RAD51B: variants seen among roughly 807,000 people sequenced by gnomAD.
The protein encoded by RAD51B is DNA repair protein RAD51 homolog 2.
RAD51B carries 38 observed loss-of-function variants against 42.2 expected under a neutral mutation model. The observed-to-expected ratio is 0.90, with a 90% CI of 0.70 to 1.18. RAD51B has a LOEUF of 1.18. RAD51B is among the 50% of genes most tolerant of loss of function. RAD51B has a pLI of 0.00. For synonymous variants in RAD51B, 154 were observed against 145.2 expected (o/e 1.06, Z -0.43); for missense variants, 373 against 400.7 (o/e 0.93, Z 0.59).
chr14:68,608,818 C>T (rs1891559056), intron 10 of RAD51B, among the ~76,000 whole-genome samples: 1 of 152,188 alleles, frequency 6.6e-6, no homozygotes, highest in Admixed American at 6.5e-5. Context: ...AGCAGTTTCC[C>T]CAGCCAAGGC....
chr14:67,948,312 A>G (rs2045466428), intron 7 of RAD51B, among the ~76,000 whole-genome samples: 1 of 152,186 alleles, frequency 6.6e-6, no homozygotes, highest in Non-Finnish European at 1.5e-5. Context: ...CTGGTTGTAG[A>G]AATGCTGCCT....
chr14:68,328,325 A>G (rs1355739558), intron 8 of RAD51B, among the ~76,000 whole-genome samples: 4 of 152,156 alleles, frequency 2.6e-5, no homozygotes, highest in Non-Finnish European at 5.9e-5. Context: ...TTTCATTTCA[A>G]CCCAACAAAC....
intron 8 of RAD51B, among the ~76,000 whole-genome samples, chr14:68,330,070 G>A (rs1419825855): frequency 6.6e-6 from 1 of 151,890 alleles, no homozygotes; most frequent in African/African-American, 2.4e-5. Flanking sequence ...AATCTAACAT[G>A]ATGCTAGGCT....
chr14:68,272,667 T>TA (rs58531356), intron 7 of RAD51B, among the ~76,000 whole-genome samples: 32 of 4,772 alleles, frequency 6.7e-3, no homozygotes, highest in East Asian at 0.025. Flanking sequence ...ATATATATAT[T>TA]TTTTTTTTTT....
At chr14:68,336,231 G>C (rs2082452613) in intron 8 of RAD51B, among the ~76,000 whole-genome samples, 1 of 152,122 alleles carries the variant, frequency 6.6e-6, no homozygotes, top group African/African-American at 2.4e-5. Flanking sequence ...TTTAATTATG[G>C]TTCTGCCATC....
At chr14:67,934,399 A>G (rs2044857615) in intron 7 of RAD51B, among the ~76,000 whole-genome samples, 1 of 152,220 alleles carries the variant, frequency 6.6e-6, no homozygotes, top group South Asian at 2.1e-4. Flanking sequence ...TGAAGGAAGT[A>G]GTAAAATGCC....
chr14:67,975,318 A>G (rs558114937), intron 7 of RAD51B, among the ~76,000 whole-genome samples: 1 of 152,280 alleles, frequency 6.6e-6, no homozygotes, highest in East Asian at 1.9e-4. Flanking sequence ...CACCCTTTCA[A>G]AAGAAATTTA....
chr14:68,342,500 C>G (rs922496864), intron 8 of RAD51B, among the ~76,000 whole-genome samples: 10 of 152,306 alleles, frequency 6.6e-5, no homozygotes, highest in African/African-American at 2.4e-4. Context: ...GGACAGGGGG[C>G]CCTGCCTAAC....
intron 10 of RAD51B, among the ~76,000 whole-genome samples, chr14:68,559,357 C>T (rs1201340255): frequency 6.6e-6 from 1 of 151,514 alleles, no homozygotes; most frequent in Non-Finnish European, 1.5e-5. Context: ...AAGTCATTAA[C>T]CTGTGATTAA....
chr14:68,317,012 C>A (rs750222030), intron 8 of RAD51B, among the ~76,000 whole-genome samples: 29 of 152,076 alleles, frequency 1.9e-4, no homozygotes, highest in Non-Finnish European at 4.0e-4. Flanking sequence ...TGAAGTGAAA[C>A]AGAAATTTAT....
intron 7 of RAD51B, among the ~76,000 whole-genome samples, chr14:68,132,276 T>G (rs550777381): frequency 6.6e-6 from 1 of 152,312 alleles, no homozygotes; most frequent in African/African-American, 2.4e-5. Flanking sequence ...TGGGGTGCTA[T>G]TATCAAAATA....
intron 9 of RAD51B, among the ~76,000 whole-genome samples, chr14:68,454,422 T>A (rs993565993): frequency 3.3e-5 from 4 of 119,560 alleles, no homozygotes; most frequent in African/African-American, 1.6e-4. Context: ...GAGTGTTTAT[T>A]TGAGAAAAAA....
chr14:67,927,557 T>C (rs2044560988), intron 7 of RAD51B, among the ~76,000 whole-genome samples: 1 of 152,148 alleles, frequency 6.6e-6, no homozygotes, highest in Admixed American at 6.5e-5. Context: ...TGAAGTTTTT[T>C]AGCTCCCACA....
intron 11 of RAD51B, among the ~76,000 whole-genome samples, chr14:68,651,171 G>GTTTAT (rs962313205): frequency 1.3e-5 from 2 of 152,076 alleles, no homozygotes; most frequent in Non-Finnish European, 1.5e-5. Context: ...TACATGTGAT[G>GTTTAT]TTTATTTTAT....
In RAD51B at chr14:68,417,069, C is replaced by T. The variant is rs796725487; in HGVS notation, c.957+5542C>T. Reference sequence around the variant, plus strand: ...TTCATATTCACCCAAAGAAAGATATCGAGGATGATGTTTTACCTGATGTAA... The same window carrying T: ...TTCATATTCACCCAAAGAAAGATATTGAGGATGATGTTTTACCTGATGTAA... On this transcript the variant is annotated intron_variant, in intron 9 of 10. Transcript: ENST00000471583. 5.3e-5 allele frequency among the ~76,000 whole-genome samples: 8 copies of T among 152,196 alleles called. 1 individual carries two copies. Among genetic ancestry groups the T allele is most frequent in the East Asian group, 1.9e-4 (1 of 5,188 alleles).
At chr14:68,518,560 C>CG (rs930047453) in intron 10 of RAD51B, among the ~76,000 whole-genome samples, 13 of 150,308 alleles carry the variant, frequency 8.6e-5, no homozygotes, top group African/African-American at 3.0e-4. Flanking sequence ...ATGAGCCCCC[C>CG]CCCCAGGCCT....
At chr14:67,848,503 AG>A (rs368989713) in intron 4 of RAD51B, among the ~76,000 whole-genome samples, 9 of 152,236 alleles carry the variant, frequency 5.9e-5, no homozygotes, top group African/African-American at 2.2e-4. Context: ...TCTTGAAGAC[AG>A]CAGATGGTTG....
intron 10 of RAD51B, among the ~76,000 whole-genome samples, chr14:68,608,581 T>C (rs942855842): frequency 1.3e-5 from 2 of 152,154 alleles, no homozygotes; most frequent in Admixed American, 1.3e-4. Context: ...TGCAGAGTAC[T>C]CCTGGGCAGG....
At chr14:68,173,531 T>G (rs1336267073) in intron 7 of RAD51B, among the ~76,000 whole-genome samples, 1 of 152,220 alleles carries the variant, frequency 6.6e-6, no homozygotes, top group Non-Finnish European at 1.5e-5. Flanking sequence ...GAGTGACTAT[T>G]CATTGATTTG....
Sources: allele counts gnomAD v4.1 joint callset (sites outside exome capture counted in the v4.1 genomes callset), GRCh38; gene constraint gnomAD v4.1.1; transcripts MANE v1.5; gene names NCBI Gene and HGNC (gene_info 2026-07-23, HGNC 2026-07-21).